The following UCKL1 variants were observed in gnomAD, a reference collection of about 807,000 sequenced individuals.
The protein encoded by UCKL1 is uridine-cytidine kinase-like 1.
In UCKL1, 65 loss-of-function variants were observed where a neutral mutation model predicts 59.2. The ratio of observed to expected loss-of-function variants is 1.10; its 90% CI spans 0.90 to 1.35. The LOEUF (loss-of-function observed/expected upper bound fraction) is 1.35, where lower values mean the gene tolerates loss of function less well. Ranked by LOEUF, UCKL1 falls within the 40% of genes most tolerant of loss-of-function variation. The probability of loss-of-function intolerance (pLI) is 0.00; values close to 1 mark genes in which losing one functional copy is unlikely to be tolerated. For missense variants in UCKL1, 703 were observed against 784.3 expected (o/e 0.90, Z 1.24); for synonymous variants, 410 against 323.1 (o/e 1.27, Z -2.88).
At chr20:63,949,446 A>C (rs2057239912) in intron 1 of UCKL1, among the ~76,000 whole-genome samples, 1 of 152,198 alleles carries the variant, frequency 6.6e-6, no homozygotes, top group African/African-American at 2.4e-5. Context: ...GACGGGACCC[A>C]GCAAACAGAA....
rs751124075 is a variant in UCKL1, at chr20:63,941,005, GAGT to G, written c.1058_1060del (p.Tyr353del). On this transcript the variant is annotated inframe_deletion, in exon 10 of 15. Coordinates refer to ENST00000354216, the MANE Select transcript of UCKL1 (RefSeq NM_017859.4). Reference sequence around the variant, plus strand: ...GATGAGCAGCCGCATCAGTCTCTTGGAGTAGAAGATGAACTCGTCGCGACTGGT... The same window carrying G: ...GATGAGCAGCCGCATCAGTCTCTTGGAGAAGATGAACTCGTCGCGACTGGT... 1.3e-6 allele frequency: 2 copies of G among 1,548,570 alleles called. No homozygotes were observed. The highest frequency in any genetic ancestry group is 2.4e-5 in the South Asian group (2 of 82,880).
In UCKL1 at chr20:63,956,263, T is replaced by C. The variant is rs780231794; in HGVS notation, c.110A>G (p.Asp37Gly). ...QAEKSETACEDRSNAESLDRL... is the reference protein window; with the variant it reads ...QAEKSETACEGRSNAESLDRL... Reference sequence around the variant, plus strand: ...TGGAGGCGAGGCCCACGCCTACCGGTCCTCGCACGCGGTCTCGCTTTTCTC... The same window carrying C: ...TGGAGGCGAGGCCCACGCCTACCGGCCCTCGCACGCGGTCTCGCTTTTCTC... Residue 37 changes from aspartate (D) to glycine (G), a missense_variant, in exon 1 of 15, where the codon GAC (aspartate) becomes GGC (glycine). Transcript: ENST00000354216. 5 of 1,540,346 alleles carry C rather than the reference T, an allele frequency of 3.2e-6. No homozygotes were observed. Among genetic ancestry groups the C allele is most frequent in the Non-Finnish European group, 4.4e-6 (5 of 1,147,578 alleles).
intron 1 of UCKL1, among the ~76,000 whole-genome samples, chr20:63,951,325 A>T (rs1296233687): frequency 6.6e-6 from 1 of 152,090 alleles, no homozygotes; most frequent in African/African-American, 2.4e-5. Flanking sequence ...CTAGGACCGC[A>T]GGCCTGCGGA....
chr20:63,944,146 G>C (rs987323206), intron 7 of UCKL1, among the ~76,000 whole-genome samples: 1 of 152,134 alleles, frequency 6.6e-6, no homozygotes, highest in Admixed American at 6.5e-5. Context: ...CTGCACCCTC[G>C]GCTGGGTCCT....
chr20:63,940,405 C>T lies in UCKL1; in HGVS notation c.1383G>A (p.Ala461=), dbSNP rs2054053820. The change falls in exon 13 of 15, where the codon GCG becomes GCA. Residue 461 remains alanine, a synonymous_variant. Coordinates refer to ENST00000354216, the MANE Select transcript of UCKL1 (RefSeq NM_017859.4). ...GGAGCACGCGCACTGCCATCATGGC[C>T]GCCGCGCCCGTGGACACGGTGCAGT... is the stretch of plus-strand genomic sequence containing the variant. ...LMDCTVSTGA[A]AMMAVRVLLD... is the part of the protein sequence containing the mutation. The T allele has an allele frequency of 6.2e-7, 1 of 1,611,812 alleles. No homozygotes were observed. The highest frequency in any genetic ancestry group is 8.5e-7 in the Non-Finnish European group (1 of 1,179,252).
At chr20:63,947,180 C>G (rs762336788) in intron 1 of UCKL1, among the ~76,000 whole-genome samples, 1 of 152,130 alleles carries the variant, frequency 6.6e-6, no homozygotes, top group Non-Finnish European at 1.5e-5. Context: ...ACTGTCCACA[C>G]AGCAAGGACA....
chr20:63,950,743 T>G, intron 1 of UCKL1: 3 of 1,518,822 alleles, frequency 2.0e-6, no homozygotes, highest in South Asian at 1.3e-5. Flanking sequence ...GGCAGAGACC[T>G]CCAGTCGAGA....
intron 1 of UCKL1, among the ~76,000 whole-genome samples, chr20:63,949,047 A>C (rs925780353): frequency 6.6e-6 from 1 of 152,178 alleles, no homozygotes; most frequent in African/African-American, 2.4e-5. Context: ...CAGCATTTAA[A>C]GCAGCAAAGA....
chr20:63,945,888 A>C lies in UCKL1; in HGVS notation c.499T>G (p.Ser167Ala). The change falls in exon 4 of 15, where the codon TCC (serine) becomes GCC (alanine). Residue 167 changes from serine to alanine, a missense_variant. This residue lies in a region of UCKL1 where 398 missense variants were observed against 373.0 expected (regional missense o/e 1.07). Transcript: ENST00000354216. ...PDAFDFDLII[S>A]TLKKLKQGKS... The stretch of plus-strand genomic sequence containing the variant: ...CCCTGCTTCAGCTTCTTGAGGGTGG[A>C]AATGATGAGGTCGAAGTCAAAGGCA... The C allele has an allele frequency of 6.2e-7, 1 of 1,613,806 alleles. No homozygotes were observed. Among genetic ancestry groups the C allele is most frequent in the Non-Finnish European group, 8.5e-7 (1 of 1,180,002 alleles).
chr20:63,944,527 GCAGC>G lies in UCKL1; in HGVS notation c.844+14_844+17del. 1.2e-6 allele frequency: 2 copies of G among 1,601,208 alleles called. No individual in the cohort carries two copies. On this transcript the variant is annotated intron_variant, in intron 6 of 14. Coordinates refer to ENST00000354216, the MANE Select transcript of UCKL1 (RefSeq NM_017859.4). ...GGCCTGCCCGACACCCACCCAACAG[GCAGC>G]CCAGCAGGCTCACCTCTGGGGACCA...
intron 1 of UCKL1, chr20:63,950,997 C>G: frequency 7.6e-7 from 1 of 1,308,864 alleles, no homozygotes; most frequent in Admixed American, 3.8e-5. Flanking sequence ...ATGGGCAGGA[C>G]CACTCCTGTG....
At position 63,944,476 on chromosome 20, in the gene UCKL1, G is replaced by A. The variant is rs200542550; in HGVS notation, c.845-18C>T. ...GCCGCTCCCTGGGGCGGGATGGGGG[G>A]GCGGGTGACCGGGGGCTGGGCCGTT... is the stretch of plus-strand genomic sequence containing the variant. On this transcript the variant is annotated intron_variant, in intron 6 of 14. Transcript: ENST00000354216. 5 of 1,577,666 alleles carry A rather than the reference G, an allele frequency of 3.2e-6. No individual in the cohort carries two copies. In the East Asian group the frequency reaches 9.3e-5, roughly 29 times the overall value.
In UCKL1 at chr20:63,942,454, G is replaced by A. The variant is rs550151684; in HGVS notation, c.923+1199C>T. 114 of 1,175,986 alleles carry A rather than the reference G, an allele frequency of 9.7e-5. 1 individual carries two copies. The highest frequency in any genetic ancestry group is 3.2e-5 in the African/African-American group (2 of 61,966). The allele number at this position is 1,175,986 out of a possible 1,614,324, so 72.8% of individuals were successfully genotyped here. A position where few individuals can be genotyped will look rare whatever the true frequency, so the allele number is the denominator to read the frequency against. On this transcript the variant is annotated intron_variant, in intron 8 of 14. Coordinates refer to ENST00000354216, the MANE Select transcript of UCKL1 (RefSeq NM_017859.4). The stretch of plus-strand genomic sequence containing the variant: ...AAGGCGGGTCACACAGCAGCACCAC[G>A]GAGCACACTGCTCACATATCCCAAC...
chr20:63,948,471 G>C (rs1342111218), intron 1 of UCKL1: 1 of 150,668 alleles, frequency 6.6e-6, no homozygotes, highest in Non-Finnish European at 1.5e-5. Flanking sequence ...GGGGAGAAAA[G>C]CAAGCTGGAA....
chr20:63,947,511 G>A (rs1320053661), intron 1 of UCKL1, among the ~76,000 whole-genome samples: 1 of 152,252 alleles, frequency 6.6e-6, no homozygotes, highest in Non-Finnish European at 1.5e-5. Flanking sequence ...AGGCTGAAGG[G>A]CTCAGGGAGA....
In UCKL1 at chr20:63,940,361, A is replaced by G. The variant is rs1410201220; in HGVS notation, c.1410+17T>C. ...ACCTCTGCCTGAACCTGCCCCGCCT[A>G]CCCAGGGCTCACTCACCAGGAGCAC... On this transcript the variant is annotated intron_variant, in intron 13 of 14. Coordinates refer to ENST00000354216, the MANE Select transcript of UCKL1 (RefSeq NM_017859.4). 1 of 1,611,700 alleles carries G rather than the reference A, an allele frequency of 6.2e-7. No homozygotes were observed. The highest frequency in any genetic ancestry group is 1.7e-5 in the Admixed American group (1 of 60,000).
rs922923593 is a variant in UCKL1 at position 63,939,832 on chromosome 20, A to C, written c.*144T>G. ...CTGTGCTGTAACCAATCACACCTTCATTTTTCTAAAGCTTTATTTATTTTA... is the reference window on the plus strand; with the variant it reads ...CTGTGCTGTAACCAATCACACCTTCCTTTTTCTAAAGCTTTATTTATTTTA... On this transcript the variant is annotated 3_prime_UTR_variant, in exon 15 of 15. Coordinates refer to ENST00000354216, the MANE Select transcript of UCKL1 (RefSeq NM_017859.4). The C allele has an allele frequency of 8.5e-6, 7 of 824,430 alleles. No individual in the cohort carries two copies. Among genetic ancestry groups the C allele is most frequent in the Non-Finnish European group, 1.3e-5 (7 of 539,368 alleles). 51.1% of individuals were successfully genotyped at this position (824,430 alleles called of 1,614,324 possible).
Position 63,940,847 on chromosome 20 carries a change from C to T in UCKL1, c.1126G>A (p.Val376Ile), listed in dbSNP as rs771794643. The T allele has an allele frequency of 7.8e-6, 12 of 1,547,878 alleles. No homozygotes were observed. The highest frequency in any genetic ancestry group is 1.0e-5 in the Non-Finnish European group (12 of 1,146,624). ...LSFLPFQDCVVQTPQGQDYAG... is the reference protein window; with the variant it reads ...LSFLPFQDCVIQTPQGQDYAG... Reference sequence around the variant, plus strand: ...TAGTCCTGCCCCTGCGGGGTCTGTACGACGCAGTCCTGTGGGGTGCAGGGT... The same window carrying T: ...TAGTCCTGCCCCTGCGGGGTCTGTATGACGCAGTCCTGTGGGGTGCAGGGT... Residue 376 changes from valine (V) to isoleucine (I), a missense_variant, in exon 11 of 15, where the codon GTA (valine) becomes ATA (isoleucine). Coordinates refer to ENST00000354216, the MANE Select transcript of UCKL1 (RefSeq NM_017859.4).
chr20:63,956,239 G>T, intron 1 of UCKL1, 21 bp downstream of exon 1: 1 of 1,510,972 alleles, frequency 6.6e-7, no homozygotes, highest in East Asian at 2.8e-5. Context: ...CCAGTGGAGT[G>T]GAGGCGAGGC....
Sources: allele counts gnomAD v4.1 joint callset (sites outside exome capture counted in the v4.1 genomes callset), GRCh38; gene constraint gnomAD v4.1.1; regional missense constraint gnomAD v4.1.1; transcripts MANE v1.5; gene names NCBI Gene and HGNC (gene_info 2026-07-23, HGNC 2026-07-21).